USP20: variants seen among roughly 807,000 people sequenced by gnomAD.
The protein encoded by USP20 is ubiquitin carboxyl-terminal hydrolase 20.
A neutral mutation model predicts 124.2 loss-of-function variants in USP20; 80 were observed. That is an observed-to-expected ratio of 0.64 (90% CI 0.54 to 0.78). USP20 has a LOEUF of 0.78. Ranked by LOEUF, USP20 falls within the 30% of genes least tolerant of loss-of-function variation. The pLI, the probability that USP20 is intolerant of heterozygous loss-of-function variation, is 0.00. For synonymous variants in USP20, 481 were observed against 512.3 expected (o/e 0.94, Z 0.83); for missense variants, 1,043 against 1,244.4 (o/e 0.84, Z 2.44).
chr9:129,872,914 T>G (rs7863899), intron 15 of USP20, among the ~76,000 whole-genome samples: 127,571 of 151,894 alleles, frequency 0.84, 54,362 homozygotes, highest in East Asian at 0.98. Context: ...CCATTTTGCC[T>G]TTTGCCTTTT....
chr9:129,840,091 G>T (rs2032111271), intron 1 of USP20, among the ~76,000 whole-genome samples: 1 of 151,718 alleles, frequency 6.6e-6, no homozygotes, highest in Non-Finnish European at 1.5e-5. Flanking sequence ...GGGCCGGGAG[G>T]GCGGGGCACA....
intron 1 of USP20, among the ~76,000 whole-genome samples, chr9:129,849,590 T>C (rs1020788695): frequency 2.0e-5 from 3 of 152,056 alleles, no homozygotes; most frequent in African/African-American, 7.2e-5. Context: ...CAAGACCCTG[T>C]CTCTACAAGA....
chr9:129,855,683 G>A (rs1009593007), intron 3 of USP20, among the ~76,000 whole-genome samples: 35 of 152,198 alleles, frequency 2.3e-4, no homozygotes, highest in African/African-American at 7.0e-4. Flanking sequence ...GATCATGGTG[G>A]AAGCTGGAAA....
Position 129,855,355 on chromosome 9 carries a change from C to G in USP20, c.82-952C>G, listed in dbSNP as rs2033155644. 1.3e-5 allele frequency among the ~76,000 whole-genome samples: 2 copies of G among 151,962 alleles called. 1 individual carries two copies. The highest frequency in any genetic ancestry group is 1.3e-4 in the Admixed American group (2 of 15,248). On this transcript the variant is annotated intron_variant, in intron 3 of 25. Transcript: ENST00000372429. ...CTAAGGCAGGAGAATGGCGTGAACC[C>G]CGGAGGCGGAGTTTGCAGTGAGCCG... is the stretch of plus-strand genomic sequence containing the variant.
rs769622745 is a variant in USP20 at position 129,874,665 on chromosome 9, C to T, written c.1830C>T (p.Leu610=). The T allele has an allele frequency of 1.5e-5, 25 of 1,613,958 alleles. No homozygotes were observed. The highest frequency in any genetic ancestry group is 8.3e-5 in the Admixed American group (5 of 60,036). The change falls in exon 18 of 26, where the codon CTC becomes CTT. Residue 610 remains leucine (L), a synonymous_variant. Coordinates refer to ENST00000372429, the MANE Select transcript of USP20 (RefSeq NM_001110303.4). ...ACGTCTCCTTCCCCCTCGAGGGGCT[C>T]GACCTGCGCCCCTTCCTTGCCAAGG... ...NSHVSFPLEG[L]DLRPFLAKEC...
intron 10 of USP20, among the ~76,000 whole-genome samples, chr9:129,866,530 C>G (rs1278601696): frequency 2.0e-5 from 3 of 152,220 alleles, no homozygotes; most frequent in African/African-American, 7.2e-5. Context: ...CTGAGCCCAT[C>G]CCTCAGCACA....
intron 1 of USP20, among the ~76,000 whole-genome samples, chr9:129,844,226 C>T (rs1393004161): frequency 6.6e-6 from 1 of 152,008 alleles, no homozygotes; most frequent in Non-Finnish European, 1.5e-5. Context: ...TAATATTATT[C>T]ACCTATTAGA....
intron 1 of USP20, among the ~76,000 whole-genome samples, chr9:129,836,146 A>G (rs2031817674): frequency 6.6e-6 from 1 of 152,178 alleles, no homozygotes; most frequent in Non-Finnish European, 1.5e-5. Context: ...GATAAAGTTT[A>G]TTTGAAAAAC....
intron 1 of USP20, among the ~76,000 whole-genome samples, chr9:129,849,456 T>G (rs1307981957): frequency 6.6e-6 from 1 of 151,876 alleles, no homozygotes; most frequent in African/African-American, 2.4e-5. Flanking sequence ...GTGCTAAGAG[T>G]GATTTTAAAA....
chr9:129,852,513 C>T (rs1208088519), intron 2 of USP20, 27 bp from the exon 3 acceptor site: 1 of 1,559,640 alleles, frequency 6.4e-7, no homozygotes, highest in Admixed American at 1.9e-5. Context: ...CTGCCATTAA[C>T]CCGGGATTGC....
In USP20 at chr9:129,880,267, C is replaced by A; in HGVS notation, c.2739C>A (p.Ala913=). The change falls in exon 25 of 26, where the codon GCC becomes GCA. Residue 913 remains alanine, a synonymous_variant. Coordinates refer to ENST00000372429, the MANE Select transcript of USP20 (RefSeq NM_001110303.4). ...GEQKIEAETR[A]V is the part of the protein sequence containing the mutation. ...AGAAGATCGAAGCCGAGACGCGGGC[C>A]GTGTGATCTGCTGGGCTAGTCTGTA... 1 of 1,595,982 alleles carries A rather than the reference C, an allele frequency of 6.3e-7. No individual in the cohort carries two copies. Among genetic ancestry groups the A allele is most frequent in the East Asian group, 2.3e-5 (1 of 44,178 alleles).
At chr9:129,880,373 C>G in intron 25 of USP20, 84 bp downstream of exon 25, 1 of 1,434,486 alleles carries the variant, frequency 7.0e-7, no homozygotes, top group Non-Finnish European at 9.3e-7. Context: ...TTTTGAACAT[C>G]CAAAGAGCAG....
chr9:129,849,186 C>T (rs995911850), intron 1 of USP20, among the ~76,000 whole-genome samples: 2 of 152,164 alleles, frequency 1.3e-5, no homozygotes, highest in Non-Finnish European at 2.9e-5. Flanking sequence ...CCCTGTAGAC[C>T]CCTCCAGCAG....
chr9:129,871,500 CTCT>C (rs1466932943), intron 15 of USP20, among the ~76,000 whole-genome samples: 1 of 152,144 alleles, frequency 6.6e-6, no homozygotes, highest in Non-Finnish European at 1.5e-5. Context: ...GTGCACACCT[CTCT>C]TCTTTCATCC....
rs890291782 is a variant in USP20, at chr9:129,835,461, C to G, written c.-167C>G. On this transcript the variant is annotated 5_prime_UTR_variant, in exon 1 of 26. Coordinates refer to ENST00000372429, the MANE Select transcript of USP20 (RefSeq NM_001110303.4). ...TGCGCGTCGCCTCAGAGGGGGCGCG[C>G]TTGACTGACAGGCGGCGGCGGCGCA... 4.6e-6 allele frequency: 2 copies of G among 433,746 alleles called. No individual in the cohort carries two copies. Among genetic ancestry groups the G allele is most frequent in the African/African-American group, 4.2e-5 (2 of 47,514 alleles). The allele number at this position is 433,746 out of a possible 1,614,324, so 26.9% of individuals were successfully genotyped here. A position where few individuals can be genotyped will look rare whatever the true frequency, so the allele number is the denominator to read the frequency against.
At chr9:129,840,061 C>G (rs1364982757) in intron 1 of USP20, among the ~76,000 whole-genome samples, 1 of 152,172 alleles carries the variant, frequency 6.6e-6, no homozygotes, top group Non-Finnish European at 1.5e-5. Context: ...CTCTCCTGCC[C>G]CAAGAGAGGA....
intron 13 of USP20, 35 bp from the exon 14 acceptor site, chr9:129,869,637 G>T: frequency 6.2e-7 from 1 of 1,610,366 alleles, no homozygotes; most frequent in Non-Finnish European, 8.5e-7. Flanking sequence ...GACATTGCCA[G>T]AGGATGGGCA....
rs2031962869 is a variant in USP20, at chr9:129,837,979, T to C, written c.-129+2480T>C. 2.6e-5 allele frequency among the ~76,000 whole-genome samples: 4 copies of C among 152,224 alleles called. No individual in the cohort carries two copies. The South Asian group carries it at 6.2e-4, about 24-fold the overall frequency. On this transcript the variant is annotated intron_variant, in intron 1 of 25. Coordinates refer to ENST00000372429, the MANE Select transcript of USP20 (RefSeq NM_001110303.4). Reference sequence around the variant, plus strand: ...CCTTTTACCTTAGCAAGACAAACAGTATCCAACTGGTTCTCATTAGCATGA... The same window carrying C: ...CCTTTTACCTTAGCAAGACAAACAGCATCCAACTGGTTCTCATTAGCATGA...
At position 129,865,349 on chromosome 9, in the gene USP20, G is replaced by A. The variant is rs1340075219; in HGVS notation, c.658G>A (p.Val220Ile). 6.2e-7 allele frequency: 1 copy of A among 1,614,080 alleles called. No homozygotes were observed. Among genetic ancestry groups the A allele is most frequent in the East Asian group, 2.2e-5 (1 of 44,904 alleles). ...PTSLSHGIKL[V>I]NPMFRGYAQQ... ...CAGTCTGTCTCATGGGATCAAGTTGGTCAACCCAATGTTCCGAGGCTATGC... is the reference window on the plus strand; with the variant it reads ...CAGTCTGTCTCATGGGATCAAGTTGATCAACCCAATGTTCCGAGGCTATGC... Residue 220 changes from valine (V) to isoleucine (I), a missense_variant, in exon 10 of 26, where the codon GTC (valine) becomes ATC (isoleucine). Transcript: ENST00000372429.
Sources: gnomAD v4.1 joint callset for allele counts (sites outside exome capture counted in the v4.1 genomes callset) on GRCh38, gnomAD v4.1.1 for gene constraint, MANE v1.5 for transcripts, NCBI Gene and HGNC (gene_info 2026-07-23, HGNC 2026-07-21) for gene names.